Variants in GRID2 observed in about 807,000 individuals in gnomAD.
GRID2 encodes glutamate ionotropic receptor delta type subunit 2, also known as glutamate receptor ionotropic, delta-2.
In GRID2, 33 loss-of-function variants were observed where a neutral mutation model predicts 114.8. The observed-to-expected ratio is 0.29, with a 90% CI of 0.22 to 0.38. GRID2 has a LOEUF of 0.38. GRID2 is among the 10% of genes least tolerant of loss of function. The pLI is 1.00. For synonymous variants in GRID2, 505 were observed against 449.9 expected (o/e 1.12, Z -1.55); for missense variants, 1,184 against 1,257.7 (o/e 0.94, Z 0.89).
At chr4:93,674,625 T>A (rs1380271774) in intron 14 of GRID2, among the ~76,000 whole-genome samples, 1 of 152,068 alleles carries the variant, frequency 6.6e-6, no homozygotes, top group African/African-American at 2.4e-5. Context: ...CTTTTTTTTT[T>A]TATTTCTTTA....
chr4:93,494,609 C>A (rs566451564), intron 12 of GRID2, among the ~76,000 whole-genome samples: 1 of 151,770 alleles, frequency 6.6e-6, no homozygotes, highest in African/African-American at 2.4e-5. Flanking sequence ...AATTTCATAT[C>A]CCTTCAGTGA....
chr4:93,777,110 C>A (rs577912903), downstream of GRID2, among the ~76,000 whole-genome samples: 1 of 152,256 alleles, frequency 6.6e-6, no homozygotes, highest in South Asian at 2.1e-4. Context: ...AGGCTGCCCA[C>A]CATGATGATA....
chr4:92,706,655 G>T (rs917952723), intron 2 of GRID2, among the ~76,000 whole-genome samples: 1 of 152,058 alleles, frequency 6.6e-6, no homozygotes, highest in African/African-American at 2.4e-5. Flanking sequence ...GCAAAATAAA[G>T]AATTGTTCTG....
chr4:92,825,496 C>G (rs1163816464), intron 2 of GRID2, among the ~76,000 whole-genome samples: 1 of 152,156 alleles, frequency 6.6e-6, no homozygotes, highest in Non-Finnish European at 1.5e-5. Context: ...ATGCCATAAA[C>G]AGAACACCTC....
intron 1 of GRID2, among the ~76,000 whole-genome samples, chr4:92,317,936 A>T (rs1269667985): frequency 1.3e-5 from 2 of 152,212 alleles, no homozygotes; most frequent in Non-Finnish European, 2.9e-5. Flanking sequence ...TTTAAAAATA[A>T]AATGCAATAT....
At chr4:92,544,574 A>G (rs1239270502) in intron 1 of GRID2, among the ~76,000 whole-genome samples, 1 of 152,254 alleles carries the variant, frequency 6.6e-6, no homozygotes, top group African/African-American at 2.4e-5. Flanking sequence ...ATAGGTGGCT[A>G]TATTATCTGT....
At chr4:93,496,308 G>C (rs1727541338) in intron 12 of GRID2, among the ~76,000 whole-genome samples, 1 of 151,714 alleles carries the variant, frequency 6.6e-6, no homozygotes, top group Admixed American at 6.6e-5. Context: ...ATATAGTACA[G>C]AGCAGTGTCA....
At chr4:93,259,067 T>G in intron 8 of GRID2, 1 of 322,908 alleles carries the variant, frequency 3.1e-6, no homozygotes, top group South Asian at 2.6e-5. Context: ...TAGAGATGCT[T>G]TGCCTATTTT....
chr4:93,680,690 T>C (rs1454186722), intron 14 of GRID2, among the ~76,000 whole-genome samples: 40 of 151,434 alleles, frequency 2.6e-4, no homozygotes, highest in Non-Finnish European at 4.4e-4. Context: ...CATGATTATC[T>C]CAATAGATGC....
At chr4:93,697,761 A>AT (rs11403654) in intron 14 of GRID2, among the ~76,000 whole-genome samples, 133,180 of 150,762 alleles carry the variant, frequency 0.88, 58,828 homozygotes, top group East Asian at 0.98. Flanking sequence ...AATACATTAT[A>AT]TCTTTAAAAT....
intron 11 of GRID2, among the ~76,000 whole-genome samples, chr4:93,474,946 T>A (rs1725182165): frequency 6.6e-6 from 1 of 152,162 alleles, no homozygotes; most frequent in South Asian, 2.1e-4. Context: ...TCCTGACCTT[T>A]GCTTTGTAAC....
At chr4:93,745,555 TAGC>T (rs540238085) in intron 14 of GRID2, among the ~76,000 whole-genome samples, 323 of 152,200 alleles carry the variant, frequency 2.1e-3, no homozygotes, top group African/African-American at 6.8e-3. Context: ...TTAATCCTAA[TAGC>T]AGATACTTCC....
At chr4:93,808,754 C>T (rs1343947449) in exon 2 of GRID2, 1 of 152,142 alleles carries the variant, frequency 6.6e-6, no homozygotes, top group Non-Finnish European at 1.5e-5. Flanking sequence ...CCATTCTTGG[C>T]CCCAGAGAAC....
At chr4:93,757,643 T>C (rs1172916556) in intron 14 of GRID2, among the ~76,000 whole-genome samples, 2 of 152,174 alleles carry the variant, frequency 1.3e-5, no homozygotes, top group Non-Finnish European at 2.9e-5. Context: ...AGGAACAGTT[T>C]TGGGATTTTT....
intron 2 of GRID2, among the ~76,000 whole-genome samples, chr4:92,923,964 G>T (rs1749590629): frequency 6.6e-6 from 1 of 152,118 alleles, no homozygotes; most frequent in Admixed American, 6.6e-5. Flanking sequence ...GTTTATTGCG[G>T]CACTATTCAC....
intron 1 of GRID2, among the ~76,000 whole-genome samples, chr4:93,786,466 G>A (rs964986540): frequency 1.4e-4 from 22 of 152,306 alleles, no homozygotes; most frequent in African/African-American, 4.6e-4. Context: ...AACAAGCAGG[G>A]TTTTGAAAAG....
chr4:92,786,821 A>T (rs1051299414), intron 2 of GRID2, among the ~76,000 whole-genome samples: 1 of 151,996 alleles, frequency 6.6e-6, no homozygotes, highest in African/African-American at 2.4e-5. Flanking sequence ...GGGGAGAGGG[A>T]GGAAGTTCCC....
In GRID2 at chr4:92,517,900, A is replaced by AAAAC. The variant is rs200012087; in HGVS notation, c.89-72215_89-72212dup. 1.1e-4 allele frequency among the ~76,000 whole-genome samples: 16 copies of AAAAC among 151,944 alleles called. No homozygotes were observed. The East Asian group carries it at 2.9e-3, about 28-fold the overall frequency. ...GATGAACAATATTTTCAGATAGGCA[A>AAAAC]AAACAAACAAACAAACAAAAAACCA... On this transcript the variant is annotated intron_variant, in intron 1 of 15. Coordinates refer to ENST00000282020, the MANE Select transcript of GRID2 (RefSeq NM_001510.4).
intron 2 of GRID2, among the ~76,000 whole-genome samples, chr4:92,689,656 C>T (rs141418143): frequency 4.6e-5 from 7 of 152,306 alleles, no homozygotes; most frequent in South Asian, 2.1e-4. Context: ...AGTTTCATTT[C>T]GAAACCACCC....
Sources: allele counts gnomAD v4.1 joint callset (sites outside exome capture counted in the v4.1 genomes callset), GRCh38; gene constraint gnomAD v4.1.1; transcripts MANE v1.5; gene names NCBI Gene and HGNC (gene_info 2026-07-23, HGNC 2026-07-21).